The following GRM5 variants were observed in gnomAD, a reference collection of about 807,000 sequenced individuals.
GRM5 encodes metabotropic glutamate receptor 5.
In GRM5, 19 loss-of-function variants were observed where a neutral mutation model predicts 83.1. The ratio of observed to expected loss-of-function variants is 0.23; its 90% CI spans 0.16 to 0.34. The LOEUF (loss-of-function observed/expected upper bound fraction) is 0.34. Among genes scored for constraint, GRM5 ranks in the 10% least tolerant of loss-of-function variants. The probability of loss-of-function intolerance (pLI) is 1.00; values close to 1 mark genes in which losing one functional copy is unlikely to be tolerated. For synonymous variants in GRM5, 675 were observed against 633.6 expected, an observed-to-expected ratio of 1.07 and a Z score of -0.98; for missense variants, 1,160 against 1,588.3, an observed-to-expected ratio of 0.73 and a Z score of 4.58.
intron 2 of GRM5, among the ~76,000 whole-genome samples, chr11:88,934,563 T>C (rs182818597): frequency 1.3e-5 from 2 of 151,990 alleles, no homozygotes; most frequent in East Asian, 3.9e-4. Flanking sequence ...GCACGATGAA[T>C]GCAAAAGTAT....
chr11:88,968,814 C>A (rs367617034), intron 2 of GRM5, among the ~76,000 whole-genome samples: 5 of 151,850 alleles, frequency 3.3e-5, no homozygotes, highest in African/African-American at 1.2e-4. Flanking sequence ...AAAATAAAAA[C>A]CAAACTAAAA....
intron 1 of GRM5, among the ~76,000 whole-genome samples, chr11:89,055,055 T>C (rs968617752): frequency 6.6e-6 from 1 of 152,218 alleles, no homozygotes; most frequent in Non-Finnish European, 1.5e-5. Context: ...CCATTCCTCC[T>C]TGGGAGCCTA....
intron 4 of GRM5, among the ~76,000 whole-genome samples, chr11:88,614,910 T>C (rs935277952): frequency 4.6e-5 from 7 of 152,192 alleles, no homozygotes; most frequent in African/African-American, 1.7e-4. Context: ...AAGAAATCCC[T>C]GTATCACCTT....
intron 3 of GRM5, among the ~76,000 whole-genome samples, chr11:88,843,975 A>G (rs1825512980): frequency 6.6e-6 from 1 of 152,244 alleles, no homozygotes; most frequent in African/African-American, 2.4e-5. Context: ...AAGACAGGAA[A>G]CTGTCTCTGT....
chr11:89,063,594 C>G (rs569626969), intron 1 of GRM5: 11 of 152,310 alleles, frequency 7.2e-5, no homozygotes, highest in African/African-American at 1.2e-4. Flanking sequence ...GGCTTCCCCC[C>G]CAAGATGATC....
intron 3 of GRM5, among the ~76,000 whole-genome samples, chr11:88,669,065 T>A (rs934091680): frequency 1.3e-5 from 2 of 152,166 alleles, no homozygotes; most frequent in African/African-American, 4.8e-5. Flanking sequence ...TCTGGGTATT[T>A]ATTTTGAAGA....
chr11:89,025,128 G>C (rs1320789188), intron 2 of GRM5, among the ~76,000 whole-genome samples: 2 of 152,118 alleles, frequency 1.3e-5, no homozygotes, highest in Non-Finnish European at 2.9e-5. Flanking sequence ...TGAGGATGTG[G>C]GAGTACTGGC....
intron 2 of GRM5, among the ~76,000 whole-genome samples, chr11:88,909,024 G>C (rs1945450711): frequency 6.6e-6 from 1 of 152,104 alleles, no homozygotes; most frequent in Non-Finnish European, 1.5e-5. Flanking sequence ...TGAGGCCGAA[G>C]TCCTTTCTTG....
In GRM5 at chr11:89,014,788, C is replaced by A. The variant is rs541582260; in HGVS notation, c.661+32424G>T. Among the ~76,000 whole-genome samples, 4 of 152,140 alleles carry A rather than the reference C, an allele frequency of 2.6e-5. No homozygotes were observed. In the South Asian group the frequency reaches 8.3e-4, roughly 32 times the overall value. ...CGTGTATCAAAACATCTCATGTAAC[C>A]CATAAATATATATACCTACTCTGTA... On this transcript the variant is annotated intron_variant, in intron 2 of 9. Transcript: ENST00000305447.
chr11:88,736,024 A>ACAAT (rs1281269920), intron 3 of GRM5, among the ~76,000 whole-genome samples: 1 of 152,086 alleles, frequency 6.6e-6, no homozygotes, highest in East Asian at 1.9e-4. Flanking sequence ...TCGAAGTTAG[A>ACAAT]CAATCATTTG....
intron 2 of GRM5, among the ~76,000 whole-genome samples, chr11:88,872,058 A>G (rs624011): frequency 0.3 from 45,230 of 151,328 alleles, 7,049 homozygotes; most frequent in South Asian, 0.52. Flanking sequence ...TTCAACTAAC[A>G]GAAAAACCTA....
chr11:88,801,783 C>A (rs1464741423), intron 3 of GRM5, among the ~76,000 whole-genome samples: 1 of 151,318 alleles, frequency 6.6e-6, no homozygotes, highest in African/African-American at 2.5e-5. Context: ...CACATTTCTC[C>A]AATTAAGTTT....
At chr11:88,819,077 A>G (rs1943740939) in intron 3 of GRM5, among the ~76,000 whole-genome samples, 1 of 152,218 alleles carries the variant, frequency 6.6e-6, no homozygotes, top group Admixed American at 6.5e-5. Flanking sequence ...CAAAAGCAAC[A>G]TTTTCAAGAC....
intron 2 of GRM5, among the ~76,000 whole-genome samples, chr11:88,910,760 G>A (rs533582991): frequency 7.1e-4 from 108 of 152,100 alleles, no homozygotes; most frequent in Middle Eastern, 3.4e-3. Flanking sequence ...TTTCAAGCAA[G>A]AATCCAGTAG....
intron 8 of GRM5, among the ~76,000 whole-genome samples, chr11:88,551,884 A>G (rs142079775): frequency 1.3e-5 from 2 of 152,288 alleles, no homozygotes; most frequent in East Asian, 3.9e-4. Context: ...ATTGAATTGT[A>G]AAGGTATTTT....
chr11:89,048,398 C>T (rs1471333953), intron 1 of GRM5, among the ~76,000 whole-genome samples: 1 of 152,098 alleles, frequency 6.6e-6, no homozygotes, highest in Non-Finnish European at 1.5e-5. Flanking sequence ...CAAAACTACG[C>T]CATGAACAGA....
chr11:88,615,754 A>G (rs985369440), intron 4 of GRM5, among the ~76,000 whole-genome samples: 2 of 151,944 alleles, frequency 1.3e-5, no homozygotes, highest in Admixed American at 6.6e-5. Context: ...TATAAGAGAC[A>G]TTTGTTAATA....
At chr11:88,609,378 C>T (rs1938255753) in intron 4 of GRM5, among the ~76,000 whole-genome samples, 1 of 152,020 alleles carries the variant, frequency 6.6e-6, no homozygotes, top group Non-Finnish European at 1.5e-5. Context: ...TGCATGGTAC[C>T]ATGCATGCAT....
At chr11:88,792,041 G>C (rs546893055) in intron 3 of GRM5, among the ~76,000 whole-genome samples, 3 of 152,214 alleles carry the variant, frequency 2.0e-5, no homozygotes, top group Non-Finnish European at 2.9e-5. Flanking sequence ...CAAGTTGGGA[G>C]AGCATGTTAG....
Sources: gnomAD v4.1 joint callset for allele counts (sites outside exome capture counted in the v4.1 genomes callset) on GRCh38, gnomAD v4.1.1 for gene constraint, MANE v1.5 for transcripts, NCBI Gene and HGNC (gene_info 2026-07-23, HGNC 2026-07-21) for gene names.